CADM2: variants seen among roughly 807,000 people sequenced by gnomAD.
CADM2 encodes the protein cell adhesion molecule 2, also known as immunoglobulin superfamily member 4D.
CADM2 carries 12 observed loss-of-function variants against 49.8 expected under a neutral mutation model. That is an observed-to-expected ratio of 0.24 (90% confidence interval 0.15 to 0.39). The LOEUF (loss-of-function observed/expected upper bound fraction) is 0.39, where lower values mean the gene tolerates loss of function less well. CADM2 is among the 10% of genes least tolerant of loss of function. The pLI, the probability that CADM2 is intolerant of heterozygous loss-of-function variation, is 1.00. For synonymous variants in CADM2, 214 were observed against 175.4 expected (o/e 1.22, Z -1.74); for missense variants, 378 against 492.3 (o/e 0.77, Z 2.20).
intron 1 of CADM2, among the ~76,000 whole-genome samples, chr3:85,031,601 G>A (rs1279722987): frequency 1.3e-5 from 2 of 152,030 alleles, no homozygotes; most frequent in Non-Finnish European, 2.9e-5. Flanking sequence ...TGCAAGCTCC[G>A]CCTCCCGGGT....
At chr3:85,671,952 G>C (rs539336887) in intron 1 of CADM2, among the ~76,000 whole-genome samples, 2 of 152,190 alleles carry the variant, frequency 1.3e-5, no homozygotes, top group South Asian at 4.1e-4. Context: ...TTGATGTCTG[G>C]AAAGGAAGTT....
intron 1 of CADM2, among the ~76,000 whole-genome samples, chr3:85,515,090 C>A (rs1265701093): frequency 6.6e-5 from 10 of 151,698 alleles, no homozygotes; most frequent in African/African-American, 2.2e-4. Flanking sequence ...TGTTTTATAC[C>A]CTCTCACTTA....
intron 3 of CADM2, among the ~76,000 whole-genome samples, chr3:85,813,022 G>C (rs760407092): frequency 1.3e-5 from 2 of 152,136 alleles, no homozygotes; most frequent in African/African-American, 4.8e-5. Context: ...GTGTGCATGT[G>C]TCTTTATAGT....
At chr3:85,969,534 A>G (rs911836674) in intron 8 of CADM2, among the ~76,000 whole-genome samples, 3 of 151,296 alleles carry the variant, frequency 2.0e-5, no homozygotes, top group Non-Finnish European at 4.4e-5. Context: ...CCCCAGTCAC[A>G]TATCACTTCA....
In CADM2 at chr3:85,187,119, T is replaced by C. The variant is rs150135246; in HGVS notation, c.61+227451T>C. Among the ~76,000 whole-genome samples the C allele has an allele frequency of 4.6e-3, 693 of 152,278 alleles. 4 individuals carry two copies. Among genetic ancestry groups the C allele is most frequent in the African/African-American group, 0.016 (665 of 41,574 alleles). Reference sequence around the variant, plus strand: ...CATTTCACAGTTAAGGAAATTGGTATGCAGAGGATTTACATTGTTCAATAT... The same window carrying C: ...CATTTCACAGTTAAGGAAATTGGTACGCAGAGGATTTACATTGTTCAATAT... On this transcript the variant is annotated intron_variant, in intron 1 of 9. Coordinates refer to ENST00000383699, the MANE Select transcript of CADM2 (RefSeq NM_001167675.2).
At chr3:85,752,226 T>G (rs1337232118) in intron 2 of CADM2, among the ~76,000 whole-genome samples, 1 of 152,158 alleles carries the variant, frequency 6.6e-6, no homozygotes, top group Non-Finnish European at 1.5e-5. Flanking sequence ...GCCAGCATGA[T>G]GCAACCCTGC....
chr3:84,964,836 A>T (rs893325254), intron 1 of CADM2, among the ~76,000 whole-genome samples: 1 of 152,214 alleles, frequency 6.6e-6, no homozygotes, highest in African/African-American at 2.4e-5. Context: ...TTGTGATGGG[A>T]TTAAATGATC....
chr3:85,192,102 TAAAA>T (rs547301494), intron 1 of CADM2, among the ~76,000 whole-genome samples: 1 of 147,226 alleles, frequency 6.8e-6, no homozygotes. Context: ...TCATTCATAG[TAAAA>T]AAAAAAGACA....
At chr3:85,897,123 C>A (rs1383567951) in intron 5 of CADM2, among the ~76,000 whole-genome samples, 1 of 150,780 alleles carries the variant, frequency 6.6e-6, no homozygotes, top group African/African-American at 2.4e-5. Flanking sequence ...TGACTCTTAA[C>A]ATTCTTTCTA....
At chr3:85,097,614 C>A (rs538906660) in intron 1 of CADM2, among the ~76,000 whole-genome samples, 2 of 152,152 alleles carry the variant, frequency 1.3e-5, no homozygotes, top group Non-Finnish European at 2.9e-5. Context: ...ACAGTCCCAC[C>A]AACAGTGTAA....
intron 1 of CADM2, among the ~76,000 whole-genome samples, chr3:85,624,211 T>C (rs991702266): frequency 6.6e-6 from 1 of 152,168 alleles, no homozygotes; most frequent in Non-Finnish European, 1.5e-5. Context: ...TTTTGGTCAA[T>C]AGCTCAGTTA....
intron 1 of CADM2, among the ~76,000 whole-genome samples, chr3:85,110,471 C>T (rs369255681): frequency 7.9e-5 from 12 of 151,534 alleles, no homozygotes; most frequent in South Asian, 4.2e-4. Flanking sequence ...ATACTGAAAA[C>T]GTGAAGAGAA....
chr3:85,319,699 C>G (rs1409503852), intron 1 of CADM2, among the ~76,000 whole-genome samples: 1 of 152,094 alleles, frequency 6.6e-6, no homozygotes, highest in Non-Finnish European at 1.5e-5. Flanking sequence ...GAACAGAAAA[C>G]CAAGTACCAT....
chr3:85,410,914 A>C (rs917016510), intron 1 of CADM2, among the ~76,000 whole-genome samples: 5 of 152,320 alleles, frequency 3.3e-5, no homozygotes, highest in South Asian at 2.1e-4. Flanking sequence ...GACCTATGTG[A>C]GGACTGGTGG....
chr3:85,813,002 A>G (rs11127907), intron 3 of CADM2, among the ~76,000 whole-genome samples: 35,745 of 152,156 alleles, frequency 0.23, 4,960 homozygotes, highest in East Asian at 0.42. Flanking sequence ...TAGTGCTGCA[A>G]TAAACATATG....
chr3:85,147,301 A>G (rs2039778232), intron 1 of CADM2, among the ~76,000 whole-genome samples: 1 of 147,440 alleles, frequency 6.8e-6, no homozygotes, highest in Non-Finnish European at 1.5e-5. Context: ...AAAAAAAAAA[A>G]AAAAGACAAC....
intron 3 of CADM2, among the ~76,000 whole-genome samples, chr3:85,841,472 A>G (rs1009976527): frequency 6.6e-6 from 1 of 151,836 alleles, no homozygotes; most frequent in African/African-American, 2.4e-5. Context: ...TGTTCTTTCA[A>G]ATTTTGTTTA....
At chr3:85,453,072 A>G (rs1488851288) in intron 1 of CADM2, among the ~76,000 whole-genome samples, 2 of 152,196 alleles carry the variant, frequency 1.3e-5, no homozygotes, top group Admixed American at 6.5e-5. Context: ...AAATGCCAAT[A>G]TTATAAAAAC....
chr3:85,309,663 A>G (rs956150922), intron 1 of CADM2, among the ~76,000 whole-genome samples: 2 of 152,154 alleles, frequency 1.3e-5, no homozygotes, highest in African/African-American at 4.8e-5. Flanking sequence ...ACCCACTAGA[A>G]GTTTCCATTT....
Sources: allele counts gnomAD v4.1 joint callset (sites outside exome capture counted in the v4.1 genomes callset), GRCh38; gene constraint gnomAD v4.1.1; transcripts MANE v1.5; gene names NCBI Gene and HGNC (gene_info 2026-07-23, HGNC 2026-07-21).